The following NRG3 variants were observed in gnomAD, a reference collection of about 807,000 sequenced individuals.
NRG3 encodes neuregulin 3, also known as pro-neuregulin-3, membrane-bound isoform.
A neutral mutation model predicts 66.9 loss-of-function variants in NRG3; 31 were observed. The observed-to-expected ratio is 0.46, with a 90% CI of 0.35 to 0.63. The LOEUF is 0.63. Ranked by LOEUF, NRG3 falls within the 20% of genes least tolerant of loss-of-function variation. The pLI is 0.00. For synonymous variants in NRG3, 393 were observed against 359.4 expected, an observed-to-expected ratio of 1.09 and a Z score of -1.06; for missense variants, 910 against 878.9, an observed-to-expected ratio of 1.04 and a Z score of -0.45.
chr10:82,048,356 T>C (rs1465999157), intron 1 of NRG3, among the ~76,000 whole-genome samples: 1 of 151,664 alleles, frequency 6.6e-6, no homozygotes, highest in Admixed American at 6.6e-5. Context: ...GAAGTAAAGC[T>C]CTCCTCAGCA....
chr10:82,729,657 G>A (rs1176072543), intron 2 of NRG3, among the ~76,000 whole-genome samples: 2 of 152,134 alleles, frequency 1.3e-5, no homozygotes, highest in African/African-American at 2.4e-5. Context: ...AAGACCAAAT[G>A]TTTATTCAGA....
chr10:82,443,867 A>G (rs1406045261), intron 2 of NRG3, among the ~76,000 whole-genome samples: 1 of 152,222 alleles, frequency 6.6e-6, no homozygotes, highest in Non-Finnish European at 1.5e-5. Context: ...GAGTTCCTCC[A>G]TAGTGCTTTC....
intron 1 of NRG3, among the ~76,000 whole-genome samples, chr10:82,100,068 G>A (rs1359080915): frequency 6.6e-6 from 1 of 151,094 alleles, no homozygotes; most frequent in African/African-American, 2.4e-5. Context: ...TATTTAATTA[G>A]GTCTTCTTTA....
At chr10:82,288,720 A>G (rs902218120) in intron 1 of NRG3, among the ~76,000 whole-genome samples, 4 of 152,204 alleles carry the variant, frequency 2.6e-5, no homozygotes, top group African/African-American at 9.6e-5. Flanking sequence ...CACTGACTCA[A>G]TGGTTTGCAG....
chr10:81,985,913 A>G (rs1407022575), intron 1 of NRG3, among the ~76,000 whole-genome samples: 1 of 152,236 alleles, frequency 6.6e-6, no homozygotes, highest in Non-Finnish European at 1.5e-5. Context: ...TGTATCAGTC[A>G]TTTCACACTT....
At chr10:82,333,569 C>T (rs2082245260) in intron 1 of NRG3, among the ~76,000 whole-genome samples, 2 of 152,148 alleles carry the variant, frequency 1.3e-5, no homozygotes, top group African/African-American at 4.8e-5. Context: ...TATGTCTTGT[C>T]ACTGTATCCA....
intron 1 of NRG3, among the ~76,000 whole-genome samples, chr10:82,198,416 A>G (rs957822863): frequency 1.3e-5 from 2 of 152,192 alleles, no homozygotes; most frequent in African/African-American, 4.8e-5. Flanking sequence ...TATTTGTAGG[A>G]AAGAAGATAA....
intron 2 of NRG3, among the ~76,000 whole-genome samples, chr10:82,422,973 GTTAC>G (rs1433840439): frequency 6.6e-6 from 1 of 151,860 alleles, no homozygotes; most frequent in Non-Finnish European, 1.5e-5. Flanking sequence ...TTTCCTTTCT[GTTAC>G]TTACCCCATA....
intron 3 of NRG3, among the ~76,000 whole-genome samples, chr10:82,767,556 T>C (rs980044163): frequency 2.5e-4 from 38 of 152,160 alleles, no homozygotes; most frequent in African/African-American, 9.1e-4. Context: ...ATTTTATTTT[T>C]TCTTTTCTGT....
chr10:82,741,863 G>C (rs780543342), intron 3 of NRG3, among the ~76,000 whole-genome samples: 1 of 151,900 alleles, frequency 6.6e-6, no homozygotes, highest in Non-Finnish European at 1.5e-5. Flanking sequence ...AATGACCTGC[G>C]GCAAACATTA....
chr10:82,450,407 A>G (rs1019107049), intron 2 of NRG3, among the ~76,000 whole-genome samples: 1 of 151,782 alleles, frequency 6.6e-6, no homozygotes, highest in Non-Finnish European at 1.5e-5. Context: ...GCAGTTAAAA[A>G]CCCTGAAGAC....
At chr10:82,820,201 A>G (rs1347748726) in intron 3 of NRG3, among the ~76,000 whole-genome samples, 5 of 152,242 alleles carry the variant, frequency 3.3e-5, no homozygotes, top group African/African-American at 7.2e-5. Context: ...ACCTAGATCT[A>G]TCAGTTATAC....
intron 2 of NRG3, among the ~76,000 whole-genome samples, chr10:82,398,526 T>TGTGAGAGA (rs373924370): frequency 1.2e-4 from 17 of 136,582 alleles, no homozygotes; most frequent in African/African-American, 3.5e-4. Context: ...TGTGTGTGTG[T>TGTGAGAGA]GAGAGAGAGA....
At chr10:82,378,561 T>C (rs549883391) in intron 2 of NRG3, among the ~76,000 whole-genome samples, 2 of 151,950 alleles carry the variant, frequency 1.3e-5, no homozygotes, top group East Asian at 1.9e-4. Flanking sequence ...TCTACTCTCT[T>C]CTCTTTTTTC....
chr10:82,261,373 G>A (rs2078023105), intron 1 of NRG3, among the ~76,000 whole-genome samples: 1 of 152,136 alleles, frequency 6.6e-6, no homozygotes, highest in Non-Finnish European at 1.5e-5. Context: ...CCAGCCATGT[G>A]GAACTGAGAG....
chr10:82,349,927 G>A (rs926849323), intron 1 of NRG3, among the ~76,000 whole-genome samples: 3 of 152,000 alleles, frequency 2.0e-5, no homozygotes, highest in Admixed American at 6.5e-5. Context: ...TTCGGCTCGC[G>A]CACGGTGCGC....
At chr10:82,735,193 G>C (rs151193607) in intron 2 of NRG3, among the ~76,000 whole-genome samples, 1 of 152,214 alleles carries the variant, frequency 6.6e-6, no homozygotes, top group East Asian at 1.9e-4. Flanking sequence ...TGAGTTTGCT[G>C]TATGGTTATG....
intron 1 of NRG3, among the ~76,000 whole-genome samples, chr10:82,089,049 A>G (rs1164241156): frequency 2.6e-5 from 4 of 152,052 alleles, no homozygotes; most frequent in African/African-American, 7.3e-5. Flanking sequence ...AATGATGAAA[A>G]TTATATGATT....
intron 1 of NRG3, among the ~76,000 whole-genome samples, chr10:82,012,354 A>G (rs1010409214): frequency 6.6e-6 from 1 of 151,872 alleles, no homozygotes; most frequent in Admixed American, 6.6e-5. Flanking sequence ...CCATGAAACC[A>G]TTTTTTCTGC....
Sources: gnomAD v4.1 joint callset for allele counts (sites outside exome capture counted in the v4.1 genomes callset) on GRCh38, gnomAD v4.1.1 for gene constraint, MANE v1.5 for transcripts, NCBI Gene and HGNC (gene_info 2026-07-23, HGNC 2026-07-21) for gene names.